Variants in KRT3 observed in about 807,000 individuals in gnomAD.
KRT3 encodes the protein keratin 3, also known as keratin, type II cytoskeletal 3.
Under a neutral mutation model 45.8 loss-of-function variants are expected in KRT3, and 34 were observed. The observed-to-expected ratio is 0.74, with a 90% CI of 0.57 to 0.99. KRT3 has a LOEUF of 0.99. Among genes scored for constraint, KRT3 ranks in the 50% least tolerant of loss-of-function variants. The pLI, the probability that KRT3 is intolerant of heterozygous loss-of-function variation, is 0.00. For synonymous variants in KRT3, 367 were observed against 329.0 expected, an observed-to-expected ratio of 1.12 and a Z score of -1.25; for missense variants, 828 against 820.6, an observed-to-expected ratio of 1.01 and a Z score of -0.11.
chr12:52,790,138 A>G lies in KRT3; in HGVS notation c.1791T>C (p.Tyr597=). ...AGCTGAAGCCCCCGCCACTGACTCC[A>G]TAGCGGGCGCCAGAGATGGAGCCAA... ...SGFGSISGAR[Y]GVSGGGFSSA... Residue 597 remains tyrosine (Y), a synonymous_variant, in exon 9 of 9, where the codon TAT becomes TAC. Transcript: ENST00000417996. 6.7e-7 allele frequency: 1 copy of G among 1,491,268 alleles called. No individual in the cohort carries two copies. Among genetic ancestry groups the G allele is most frequent in the Non-Finnish European group, 9.0e-7 (1 of 1,105,922 alleles). 92.4% of individuals were successfully genotyped at this position (1,491,268 alleles called of 1,614,324 possible). A position where few individuals can be genotyped will look rare whatever the true frequency, so the allele number is the denominator to read the frequency against.
In KRT3 at chr12:52,791,279, G is replaced by A; in HGVS notation, c.1462C>T (p.Leu488=). ...TCCAGGGCCAGCTTGACATTCATCA[G>A]CTCCTGGTAGTCACGTAGCAGCCGC... ...LARLLRDYQE[L]MNVKLALDVE... Residue 488 remains leucine (L), a synonymous_variant, in exon 7 of 9, where the codon CTG becomes TTG. Coordinates refer to ENST00000417996, the MANE Select transcript of KRT3 (RefSeq NM_057088.3). 1 of 1,614,248 alleles carries A rather than the reference G, an allele frequency of 6.2e-7. No homozygotes were observed. The highest frequency in any genetic ancestry group is 1.1e-5 in the South Asian group (1 of 91,082).
Position 52,790,845 on chromosome 12 carries a change from G to A in KRT3, c.1563C>T (p.Val521=), listed in dbSNP as rs1939475419. 5 of 1,597,112 alleles carry A rather than the reference G, an allele frequency of 3.1e-6. No individual in the cohort carries two copies. Among genetic ancestry groups the A allele is most frequent in the Non-Finnish European group, 4.3e-6 (5 of 1,171,472 alleles). ...YRMSGECPSA[V]SISVVSSSTT... is the part of the protein sequence containing the mutation. ...GCTACTTTCGGTACTTACAGATGCT[G>A]ACAGCACTCGGACACTCTCCAGACA... Residue 521 remains valine, a synonymous_variant, in exon 8 of 9, where the codon GTC becomes GTT. Coordinates refer to ENST00000417996, the MANE Select transcript of KRT3 (RefSeq NM_057088.3).
At chr12:52,791,590 T>G in intron 6 of KRT3, 101 bp downstream of exon 6, 1 of 1,529,476 alleles carries the variant, frequency 6.5e-7, no homozygotes, top group Non-Finnish European at 9.0e-7. Context: ...TCAGCCAGCC[T>G]GAGATGACCT....
At position 52,791,757 on chromosome 12, in the gene KRT3, G is replaced by T; in HGVS notation, c.1248C>A (p.Ser416Arg). The T allele has an allele frequency of 6.2e-7, 1 of 1,613,988 alleles. No homozygotes were observed. The highest frequency in any genetic ancestry group is 8.5e-7 in the Non-Finnish European group (1 of 1,179,950). ...RHGDDLRNTK[S>R]EIIELNRMIQ... ...TCATTCTGTTGAGCTCTATGATCTC[G>T]CTCTTGGTATTTCTTAGGTCATCCC... Residue 416 changes from serine to arginine, a missense_variant, in exon 6 of 9, where the codon AGC becomes AGA. By Grantham distance (110) the Ser-to-Arg change is moderately radical (BLOSUM62 -1). Transcript: ENST00000417996.
At chr12:52,795,015 G>T (rs1204505164) in intron 1 of KRT3, among the ~76,000 whole-genome samples, 1 of 152,180 alleles carries the variant, frequency 6.6e-6, no homozygotes, top group Non-Finnish European at 1.5e-5. Context: ...TTCCTGGAAA[G>T]CCTCAGAGGG....
chr12:52,791,551 C>T, intron 6 of KRT3, 125 bp from the exon 7 acceptor site: 1 of 1,440,418 alleles, frequency 6.9e-7, no homozygotes, highest in African/African-American at 1.4e-5. Context: ...TCCATCTTGT[C>T]TCCATTTGTG....
At position 52,795,403 on chromosome 12, in the gene KRT3, C is replaced by T; in HGVS notation, c.640G>A (p.Asp214Asn). 6.2e-7 allele frequency: 1 copy of T among 1,614,152 alleles called. No homozygotes were observed. The change falls in exon 1 of 9, where the codon GAC becomes AAC. Residue 214 changes from aspartate to asparagine, a missense_variant. Transcript: ENST00000417996. ...ACCAGTCAAAGCTTCATTACCTTGTCAATGAAGGAGGCAAACTTGTTGTTG... is the reference window on the plus strand; with the variant it reads ...ACCAGTCAAAGCTTCATTACCTTGTTAATGAAGGAGGCAAACTTGTTGTTG... ...TLNNKFASFI[D>N]KVRFLEQQNK... is the part of the protein sequence containing the mutation.
chr12:52,792,008 T>C (rs905053854), intron 5 of KRT3, among the ~76,000 whole-genome samples, 192 bp from the exon 6 acceptor site: 5 of 152,214 alleles, frequency 3.3e-5, no homozygotes, highest in African/African-American at 1.2e-4. Context: ...TAGAAGATTT[T>C]CCTACCCTGT....
intron 8 of KRT3, 100 bp downstream of exon 8, chr12:52,790,738 A>G: frequency 1.8e-6 from 2 of 1,116,050 alleles, no homozygotes; most frequent in South Asian, 1.3e-5. Context: ...AAACCCCTCC[A>G]ACTTCCGTAA....
In KRT3 at chr12:52,794,280, G is replaced by C; in HGVS notation, c.697C>G (p.Leu233Val). The C allele has an allele frequency of 6.2e-7, 1 of 1,614,204 alleles. No individual in the cohort carries two copies. The highest frequency in any genetic ancestry group is 8.5e-7 in the Non-Finnish European group (1 of 1,180,030). Reference sequence around the variant, plus strand: ...ATGGAACTTGTGCCCTGCTGCTGGAGCAGGTTCCACTTGGTCTCCAGGACT... The same window carrying C: ...ATGGAACTTGTGCCCTGCTGCTGGACCAGGTTCCACTTGGTCTCCAGGACT... The part of the protein sequence containing the change: ...NKVLETKWNL[L>V]QQQGTSSISG... The change falls in exon 2 of 9, where the codon CTC becomes GTC. Residue 233 changes from leucine to valine, a missense_variant. By Grantham distance (32) the Leu-to-Val change is conservative. Transcript: ENST00000417996.
Position 52,792,788 on chromosome 12 carries a change from T to C in KRT3, c.946A>G (p.Met316Val). The C allele has an allele frequency of 1.2e-6, 2 of 1,612,530 alleles. No homozygotes were observed. The highest frequency in any genetic ancestry group is 2.2e-5 in the East Asian group (1 of 44,874). The change falls in exon 4 of 9, where the codon ATG becomes GTG. Residue 316 changes from methionine (M) to valine (V), a missense_variant. Physicochemically the swap from Met to Val is conservative, Grantham distance 21 (BLOSUM62 1). Coordinates refer to ENST00000417996, the MANE Select transcript of KRT3 (RefSeq NM_057088.3). ...TTGGCCTGAAGCTCCACCTTGTTCA[T>C]ATAGGCACTGTCCACATCCTGAGAA... ...TLKKDVDSAY[M>V]NKVELQAKVD...
chr12:52,791,366 C>G lies in KRT3; in HGVS notation c.1375G>C (p.Asp459His). Residue 459 changes from aspartate to histidine, a missense_variant, in exon 7 of 9, where the codon GAT becomes CAT. By Grantham distance (81) the Asp-to-His change is moderately conservative. Transcript: ENST00000417996. The part of the protein sequence containing the change: ...AEQHGEMALK[D>H]ANAKLQELQA... ...AGCTCTTGGAGCTTGGCATTGGCAT[C>G]CTTGAGGGCCATCTCTCCATGCTGC... is the stretch of plus-strand genomic sequence containing the variant. 6.2e-7 allele frequency: 1 copy of G among 1,614,240 alleles called. No homozygotes were observed. Among genetic ancestry groups the G allele is most frequent in the Non-Finnish European group, 8.5e-7 (1 of 1,180,036 alleles).
intron 5 of KRT3, 103 bp downstream of exon 5, chr12:52,792,136 G>T: frequency 1.0e-6 from 1 of 972,196 alleles, no homozygotes; most frequent in Non-Finnish European, 1.5e-6. Flanking sequence ...AAACCAAAAG[G>T]CATTCACCCA....
At position 52,796,108 on chromosome 12, in the gene KRT3, G is replaced by T; in HGVS notation, c.-66C>A. 6.5e-7 allele frequency: 1 copy of T among 1,547,314 alleles called. No homozygotes were observed. Among genetic ancestry groups the T allele is most frequent in the Non-Finnish European group, 8.8e-7 (1 of 1,130,818 alleles). ...GGACACTGAGAGTCAGAGGAAGAGG[G>T]ATGGGAAATGAAGACCTGTGCAAAA... On this transcript the variant is annotated 5_prime_UTR_variant, in exon 1 of 9. Coordinates refer to ENST00000417996, the MANE Select transcript of KRT3 (RefSeq NM_057088.3).
chr12:52,795,693 C>A lies in KRT3; in HGVS notation c.350G>T (p.Gly117Val). 1 of 1,611,528 alleles carries A rather than the reference C, an allele frequency of 6.2e-7. No individual in the cohort carries two copies. Among genetic ancestry groups the A allele is most frequent in the Non-Finnish European group, 8.5e-7 (1 of 1,179,360 alleles). Reference sequence around the variant, plus strand: ...AAAGCCACCAGCTCCACCAAAGCCACCTCCCATTCCTCTGCCACCACCAAA... The same window carrying A: ...AAAGCCACCAGCTCCACCAAAGCCAACTCCCATTCCTCTGCCACCACCAAA... ...GGFGGGRGMG[G>V]GFGGAGGFGG... Residue 117 changes from glycine to valine, a missense_variant, in exon 1 of 9, where the codon GGT (glycine) becomes GTT (valine). Coordinates refer to ENST00000417996, the MANE Select transcript of KRT3 (RefSeq NM_057088.3).
intron 2 of KRT3, 89 bp downstream of exon 2, chr12:52,794,022 T>G (rs542691065): frequency 2.0e-6 from 2 of 990,990 alleles, no homozygotes; most frequent in South Asian, 1.5e-5. Flanking sequence ...GAGACGCCAC[T>G]GCCCAGCAGT....
chr12:52,791,708 C>T lies in KRT3; in HGVS notation c.1297G>A (p.Glu433Lys), dbSNP rs61929765. 191,380 of 1,613,728 alleles carry T rather than the reference C, an allele frequency of 0.12. 12,330 individuals carry two copies. Among genetic ancestry groups the T allele is most frequent in the Admixed American group, 0.19 (11,463 of 59,982 alleles). ...RMIQRLRAEI[E>K]GVKKQNANLQ... Reference sequence around the variant, plus strand: ...CATCCCACCTGCTTCTTGACACCCTCGATCTCTGCCCGCAGCCTCTGGATC... The same window carrying T: ...CATCCCACCTGCTTCTTGACACCCTTGATCTCTGCCCGCAGCCTCTGGATC... The change falls in exon 6 of 9, where the codon GAG becomes AAG. Residue 433 changes from glutamate (E) to lysine (K), a missense_variant. Physicochemically the swap from Glu to Lys is moderately conservative, Grantham distance 56. Coordinates refer to ENST00000417996, the MANE Select transcript of KRT3 (RefSeq NM_057088.3).
At position 52,795,600 on chromosome 12, in the gene KRT3, C is replaced by A. The variant is rs765130656; in HGVS notation, c.443G>T (p.Gly148Val). ...GCCCAAGCTGCCAGGCCCACCAAAG[C>A]CACCAGACCCACCAAAGCCACCAGG... Reference protein sequence around the residue: ...GGPGGFGGSGGFGGPGSLGSP... With the variant: ...GGPGGFGGSGVFGGPGSLGSP... Residue 148 changes from glycine (G) to valine (V), a missense_variant, in exon 1 of 9, where the codon GGC (glycine) becomes GTC (valine). By Grantham distance (109) the Gly-to-Val change is moderately radical (BLOSUM62 -3). Transcript: ENST00000417996. 9.4e-6 allele frequency: 15 copies of A among 1,594,842 alleles called. No individual in the cohort carries two copies. The highest frequency in any genetic ancestry group is 2.7e-5 in the African/African-American group (2 of 74,362).
At chr12:52,791,529 TC>T in intron 6 of KRT3, 103 bp from the exon 7 acceptor site, 3 of 1,440,960 alleles carry the variant, frequency 2.1e-6, no homozygotes, top group Non-Finnish European at 1.9e-6. Context: ...ACATTCCTCC[TC>T]CCCTAGTGCC....
Sources: allele counts gnomAD v4.1 joint callset (sites outside exome capture counted in the v4.1 genomes callset), GRCh38; gene constraint gnomAD v4.1.1; transcripts MANE v1.5; gene names NCBI Gene and HGNC (gene_info 2026-07-23, HGNC 2026-07-21).